Variants in HTR1E observed in about 807,000 individuals in gnomAD.
HTR1E encodes the protein 5-HT-1E.
Under a neutral mutation model 3.4 loss-of-function variants are expected in HTR1E, and 3 were observed. The ratio of observed to expected loss-of-function variants is 0.89; its 90% CI spans 0.41 to 2.31. HTR1E has a LOEUF of 2.31. HTR1E is among the 30% of genes most tolerant of loss of function. The pLI, the probability that HTR1E is intolerant of heterozygous loss-of-function variation, is 0.05. For missense variants in HTR1E, 392 were observed against 467.0 expected, an observed-to-expected ratio of 0.84 and a Z score of 1.48; for synonymous variants, 170 against 182.8, an observed-to-expected ratio of 0.93 and a Z score of 0.56.
At chr6:86,945,848 C>T (rs969794384) in intron 1 of HTR1E, among the ~76,000 whole-genome samples, 3 of 152,070 alleles carry the variant, frequency 2.0e-5, no homozygotes, top group South Asian at 2.1e-4. Flanking sequence ...AAGCAATTCT[C>T]CTGCCTCAGC....
At chr6:86,960,450 A>G (rs928887567) in intron 1 of HTR1E, among the ~76,000 whole-genome samples, 19 of 152,212 alleles carry the variant, frequency 1.2e-4, no homozygotes, top group African/African-American at 4.3e-4. Context: ...TTGGGGACAC[A>G]TTCAAACCAG....
At chr6:86,949,615 A>G (rs1205248693) in intron 1 of HTR1E, among the ~76,000 whole-genome samples, 1 of 152,192 alleles carries the variant, frequency 6.6e-6, no homozygotes, top group Non-Finnish European at 1.5e-5. Flanking sequence ...CCAGGAGGCC[A>G]GAAAATAGAT....
chr6:86,977,816 G>A (rs151140352), intron 1 of HTR1E, among the ~76,000 whole-genome samples: 1,645 of 152,276 alleles, frequency 0.011, 20 homozygotes, highest in Middle Eastern at 0.065. Flanking sequence ...GATTAGTGAT[G>A]TGGAGCATTT....
chr6:86,969,884 G>A (rs1767525452), intron 1 of HTR1E, among the ~76,000 whole-genome samples: 1 of 152,186 alleles, frequency 6.6e-6, no homozygotes. Context: ...TGGGGAGCCT[G>A]AATGAAAACT....
At chr6:86,942,475 T>C (rs990571267) in intron 1 of HTR1E, among the ~76,000 whole-genome samples, 8 of 152,216 alleles carry the variant, frequency 5.3e-5, no homozygotes, top group African/African-American at 1.9e-4. Context: ...TCCTACCATA[T>C]AGTTCATCAT....
chr6:86,988,440 A>T (rs997293883), intron 1 of HTR1E, among the ~76,000 whole-genome samples: 2 of 152,184 alleles, frequency 1.3e-5, no homozygotes, highest in Non-Finnish European at 2.9e-5. Flanking sequence ...AGCAGTAGAC[A>T]GGGTATGAAC....
At chr6:87,013,777 G>A (rs1008097727) in intron 1 of HTR1E, among the ~76,000 whole-genome samples, 3 of 151,882 alleles carry the variant, frequency 2.0e-5, no homozygotes, top group South Asian at 4.2e-4. Flanking sequence ...TGTCAAAAAC[G>A]ATTTGAACAA....
Position 87,015,454 on chromosome 6 carries a change from C to T in HTR1E, c.120C>T (p.Asn40=), listed in dbSNP as rs1313623179. 2 of 1,614,144 alleles carry T rather than the reference C, an allele frequency of 1.2e-6. No homozygotes were observed. The highest frequency in any genetic ancestry group is 8.5e-7 in the Non-Finnish European group (1 of 1,180,012). Residue 40 remains asparagine (N), a synonymous_variant, in exon 2 of 2, where the codon AAC becomes AAT. Coordinates refer to ENST00000305344, the MANE Select transcript of HTR1E (RefSeq NM_000865.3). ...TCACCACCCTCACCACGTTGCTGAA[C>T]TTGGCTGTGATCATGGCTATTGGCA... is the stretch of plus-strand genomic sequence containing the variant. The part of the protein sequence containing the change: ...VVITTLTTLL[N]LAVIMAIGTT...
chr6:87,010,636 C>G lies in HTR1E; in HGVS notation c.-185-4514C>G, dbSNP rs867201099. Among the ~76,000 whole-genome samples, 105 of 146,458 alleles carry G rather than the reference C, an allele frequency of 7.2e-4. 1 individual carries two copies. The Middle Eastern group carries it at 0.01, about 15-fold the overall frequency. The stretch of plus-strand genomic sequence containing the variant: ...CTCACTTCCTAGATGGGATGGCGGC[C>G]GGGCGGAGACGCTCCTCACTTTCCA... On this transcript the variant is annotated intron_variant, in intron 1 of 1. Coordinates refer to ENST00000305344, the MANE Select transcript of HTR1E (RefSeq NM_000865.3).
At chr6:86,980,670 T>A (rs1767698985) in intron 1 of HTR1E, among the ~76,000 whole-genome samples, 1 of 152,236 alleles carries the variant, frequency 6.6e-6, no homozygotes, top group African/African-American at 2.4e-5. Flanking sequence ...TATTTTATAA[T>A]CATTAAGTTT....
At chr6:86,997,165 C>T (rs1285209848) in intron 1 of HTR1E, among the ~76,000 whole-genome samples, 4 of 151,842 alleles carry the variant, frequency 2.6e-5, no homozygotes, top group Non-Finnish European at 5.9e-5. Flanking sequence ...AAAAGATTCA[C>T]ATAAAAGTAG....
In HTR1E at chr6:86,985,581, T is replaced by C. The variant is rs1475822162; in HGVS notation, c.-185-29569T>C. The stretch of plus-strand genomic sequence containing the variant: ...GATAAGCAGAAGATATGAGGGAAGG[T>C]GTTCCAAATCAAAGGAACTAGGATA... On this transcript the variant is annotated intron_variant, in intron 1 of 1. Transcript: ENST00000305344. Among the ~76,000 whole-genome samples the C allele has an allele frequency of 5.3e-5, 8 of 152,092 alleles. No individual in the cohort carries two copies. In the East Asian group the frequency reaches 1.2e-3, roughly 22 times the overall value.
Position 87,015,666 on chromosome 6 carries a change from T to C in HTR1E, c.332T>C (p.Leu111Pro). 1.2e-6 allele frequency: 2 copies of C among 1,614,152 alleles called. No individual in the cohort carries two copies. The highest frequency in any genetic ancestry group is 1.7e-6 in the Non-Finnish European group (2 of 1,180,024). ...VDMTCCTCSI[L>P]HLCVIALDRY... Reference sequence around the variant, plus strand: ...ATGACCTGCTGCACCTGCTCCATCCTCCACCTCTGTGTCATTGCCCTGGAC... The same window carrying C: ...ATGACCTGCTGCACCTGCTCCATCCCCCACCTCTGTGTCATTGCCCTGGAC... The change falls in exon 2 of 2, where the codon CTC (leucine) becomes CCC (proline). Residue 111 changes from leucine (L) to proline (P), a missense_variant. Around this residue, in one of 3 missense-constraint regions of HTR1E, gnomAD observed 189 missense variants for 258.0 expected, o/e 0.73. Transcript: ENST00000305344.
At chr6:86,942,859 T>C (rs1414822411) in intron 1 of HTR1E, among the ~76,000 whole-genome samples, 2 of 152,196 alleles carry the variant, frequency 1.3e-5, no homozygotes, top group Non-Finnish European at 2.9e-5. Context: ...TGAAGCATCT[T>C]ACCAAGAAGG....
intron 1 of HTR1E, among the ~76,000 whole-genome samples, chr6:87,006,436 C>T (rs796187271): frequency 1.3e-4 from 20 of 152,070 alleles, no homozygotes; most frequent in South Asian, 6.2e-4. Context: ...CAGATGCTGG[C>T]GAGGATGTGG....
At chr6:86,980,222 C>T (rs1767692211) in intron 1 of HTR1E, among the ~76,000 whole-genome samples, 1 of 151,864 alleles carries the variant, frequency 6.6e-6, no homozygotes. Context: ...CCTGTCTCTA[C>T]TAAAAATAGA....
chr6:86,978,878 G>C (rs79423727), intron 1 of HTR1E, among the ~76,000 whole-genome samples: 1 of 152,116 alleles, frequency 6.6e-6, no homozygotes, highest in Non-Finnish European at 1.5e-5. Context: ...TCCTGGCATA[G>C]AGAGAATTGG....
intron 1 of HTR1E, among the ~76,000 whole-genome samples, chr6:87,009,453 G>A (rs1389579496): frequency 6.6e-6 from 1 of 151,968 alleles, no homozygotes; most frequent in Non-Finnish European, 1.5e-5. Flanking sequence ...AGTCTCCCAT[G>A]TCTACTTCTC....
chr6:86,974,951 C>T (rs1582268043), intron 1 of HTR1E, among the ~76,000 whole-genome samples: 2 of 152,262 alleles, frequency 1.3e-5, no homozygotes, highest in Admixed American at 6.5e-5. Flanking sequence ...CAAGATCATT[C>T]GCATTTTCTC....
Sources: allele counts gnomAD v4.1 joint callset (sites outside exome capture counted in the v4.1 genomes callset), GRCh38; gene constraint gnomAD v4.1.1; regional missense constraint gnomAD v4.1.1; transcripts MANE v1.5; gene names NCBI Gene and HGNC (gene_info 2026-07-23, HGNC 2026-07-21).